Variants in DIP2C observed in about 807,000 individuals in gnomAD.
DIP2C encodes DIP2 acetate--CoA ligase C (putative), also known as disco-interacting protein 2 homolog C.
Under a neutral mutation model 192.4 loss-of-function variants are expected in DIP2C, and 33 were observed. That is an observed-to-expected ratio of 0.17 (90% CI 0.13 to 0.23). The LOEUF (loss-of-function observed/expected upper bound fraction) is 0.23, where lower values mean the gene tolerates loss of function less well. Ranked by LOEUF, DIP2C falls within the 10% of genes least tolerant of loss-of-function variation. The pLI, the probability that DIP2C is intolerant of heterozygous loss-of-function variation, is 1.00. For missense variants in DIP2C, 1,537 were observed against 2,110.1 expected (o/e 0.73, Z 5.32); for synonymous variants, 979 against 864.1 (o/e 1.13, Z -2.33).
At chr10:614,571 G>A (rs1008584141) in intron 1 of DIP2C, among the ~76,000 whole-genome samples, 10 of 152,206 alleles carry the variant, frequency 6.6e-5, no homozygotes, top group Admixed American at 1.3e-4. Flanking sequence ...CTGCTGAACT[G>A]GAAACGTCCC....
chr10:546,540 G>A (rs751109864), intron 1 of DIP2C, among the ~76,000 whole-genome samples: 6 of 152,224 alleles, frequency 3.9e-5, no homozygotes, highest in Non-Finnish European at 7.3e-5. Context: ...CAGTTAGGAA[G>A]AAGTATTTTT....
At chr10:663,164 C>T (rs1856869283) in intron 1 of DIP2C, 1 of 469,360 alleles carries the variant, frequency 2.1e-6, no homozygotes, top group African/African-American at 2.0e-5. Flanking sequence ...TGTTGCAATT[C>T]TATGTCCAGT....
chr10:345,222 G>T, intron 26 of DIP2C, 112 bp from the exon 27 acceptor site: 1 of 1,066,904 alleles, frequency 9.4e-7, no homozygotes, highest in Non-Finnish European at 1.4e-6. Flanking sequence ...AGCTTTAACG[G>T]GCAGATGAGG....
At chr10:384,719 T>C in intron 14 of DIP2C, 80 bp from the exon 15 acceptor site, 1 of 1,417,814 alleles carries the variant, frequency 7.1e-7, no homozygotes, top group Non-Finnish European at 9.9e-7. Flanking sequence ...GCATGGACAC[T>C]AGGCCGCACG....
Position 275,822 on chromosome 10 carries a change from C to G in DIP2C, c.*1503G>C, listed in dbSNP as rs766870468. 1 of 152,214 alleles carries G rather than the reference C, an allele frequency of 6.6e-6. No individual in the cohort carries two copies. The highest frequency in any genetic ancestry group is 6.5e-5 in the Admixed American group (1 of 15,282). 9.4% of individuals were successfully genotyped at this position (152,214 alleles called of 1,614,324 possible). A position where few individuals can be genotyped will look rare whatever the true frequency, so the allele number is the denominator to read the frequency against. ...GCCAGGGCAGAAACTGGGGCGCACT[C>G]GTCCACAGGCGGCAAACGACGCAGC... On this transcript the variant is annotated 3_prime_UTR_variant, in exon 37 of 37. Coordinates refer to ENST00000280886, the MANE Select transcript of DIP2C (RefSeq NM_014974.3).
intron 1 of DIP2C, among the ~76,000 whole-genome samples, chr10:625,777 T>A (rs1439076989): frequency 6.6e-6 from 1 of 152,182 alleles, no homozygotes; most frequent in Non-Finnish European, 1.5e-5. Context: ...AGCCACTGCC[T>A]AAGACACAAA....
intron 1 of DIP2C, among the ~76,000 whole-genome samples, chr10:500,975 T>C (rs1588312453): frequency 6.6e-6 from 1 of 152,188 alleles, no homozygotes; most frequent in Non-Finnish European, 1.5e-5. Context: ...AGGTTTTCTT[T>C]TGGAGAGCGG....
At chr10:464,178 C>CA (rs1269313631) in intron 3 of DIP2C, among the ~76,000 whole-genome samples, 3 of 152,070 alleles carry the variant, frequency 2.0e-5, no homozygotes, top group African/African-American at 7.2e-5. Flanking sequence ...TTCTGCACAG[C>CA]AAAATAAACT....
intron 1 of DIP2C, chr10:631,387 T>C (rs576665115): frequency 6.6e-6 from 1 of 152,294 alleles, no homozygotes; most frequent in East Asian, 1.9e-4. Context: ...GGTTTACAGT[T>C]CTGCAGCAGT....
chr10:409,014 T>C lies in DIP2C; in HGVS notation c.1061A>G (p.Lys354Arg). The change falls in exon 9 of 37, where the codon AAG (lysine) becomes AGG (arginine). Residue 354 changes from lysine (K) to arginine (R), a missense_variant. Physicochemically the swap from Lys to Arg is conservative, Grantham distance 26 (BLOSUM62 2). Coordinates refer to ENST00000280886, the MANE Select transcript of DIP2C (RefSeq NM_014974.3). ...GKPLYILTYG[K>R]LWTRSMKVAY... is the part of the protein sequence containing the mutation. ...GACCTTCATACTTCTTGTCCACAGC[T>C]TGCCTATGAATACAAATCACAGACA... 1.2e-6 allele frequency: 2 copies of C among 1,614,128 alleles called. No individual in the cohort carries two copies. The highest frequency in any genetic ancestry group is 1.7e-6 in the Non-Finnish European group (2 of 1,179,982).
chr10:490,599 C>T (rs1239203406), intron 1 of DIP2C, among the ~76,000 whole-genome samples: 1 of 152,248 alleles, frequency 6.6e-6, no homozygotes, highest in Non-Finnish European at 1.5e-5. Flanking sequence ...TGCCAGAGCG[C>T]TTTCCACGTA....
intron 28 of DIP2C, among the ~76,000 whole-genome samples, chr10:344,454 A>C (rs1027924104): frequency 1.3e-5 from 2 of 152,104 alleles, no homozygotes; most frequent in Non-Finnish European, 2.9e-5. Flanking sequence ...TGAGAGGGTC[A>C]TGATGATTTC....
intron 1 of DIP2C, among the ~76,000 whole-genome samples, chr10:670,156 A>G (rs745468103): frequency 6.6e-6 from 1 of 152,120 alleles, no homozygotes. Context: ...ACACATATGC[A>G]CGTGCGCACA....
chr10:286,114 T>C (rs1194825009), intron 34 of DIP2C, among the ~76,000 whole-genome samples, 159 bp downstream of exon 34: 1 of 152,244 alleles, frequency 6.6e-6, no homozygotes, highest in Admixed American at 6.5e-5. Context: ...ATTTGAGCCA[T>C]AAAGCTTACC....
At chr10:376,556 T>TC (rs1961621830) in intron 17 of DIP2C, among the ~76,000 whole-genome samples, 2 of 57,944 alleles carry the variant, frequency 3.5e-5, no homozygotes, top group African/African-American at 6.5e-5. Context: ...CGAGGAAGTG[T>TC]CTTTTTTTTT....
At chr10:498,540 C>T (rs971077988) in intron 1 of DIP2C, among the ~76,000 whole-genome samples, 2 of 152,234 alleles carry the variant, frequency 1.3e-5, no homozygotes, top group African/African-American at 4.8e-5. Flanking sequence ...CTCCCTGCTG[C>T]CCAGGGGGCT....
At chr10:487,744 A>T (rs1844132223) in intron 1 of DIP2C, among the ~76,000 whole-genome samples, 3 of 151,588 alleles carry the variant, frequency 2.0e-5, no homozygotes, top group Admixed American at 2.0e-4. Flanking sequence ...CGCCCGGCTA[A>T]TTTTTTGTAT....
chr10:544,031 T>G (rs1207158904), intron 1 of DIP2C, among the ~76,000 whole-genome samples: 1 of 151,796 alleles, frequency 6.6e-6, no homozygotes, highest in Non-Finnish European at 1.5e-5. Flanking sequence ...TGACCTTTGG[T>G]GCCAGCATCT....
chr10:484,886 T>C (rs1211424245), intron 2 of DIP2C: 16 of 1,611,978 alleles, frequency 9.9e-6, no homozygotes, highest in Non-Finnish European at 1.4e-5. Context: ...GAGCGGAATG[T>C]TCTCCTCGGC....
Sources: allele counts gnomAD v4.1 joint callset (sites outside exome capture counted in the v4.1 genomes callset), GRCh38; gene constraint gnomAD v4.1.1; transcripts MANE v1.5; gene names NCBI Gene and HGNC (gene_info 2026-07-23, HGNC 2026-07-21).